Variants in DAB1 observed in about 807,000 individuals in gnomAD.
The protein encoded by DAB1 is disabled homolog 1.
A neutral mutation model predicts 64.6 loss-of-function variants in DAB1; 15 were observed. The ratio of observed to expected loss-of-function variants is 0.23; its 90% CI spans 0.16 to 0.36. The LOEUF is 0.36. DAB1 is among the 10% of genes least tolerant of loss of function. The pLI, the probability that DAB1 is intolerant of heterozygous loss-of-function variation, is 1.00. For synonymous variants in DAB1, 235 were observed against 251.9 expected (o/e 0.93, Z 0.64); for missense variants, 596 against 706.7 (o/e 0.84, Z 1.78).
chr1:57,416,160 AT>A (rs1175225796), intron 1 of DAB1, among the ~76,000 whole-genome samples: 1 of 152,312 alleles, frequency 6.6e-6, no homozygotes, highest in East Asian at 1.9e-4. Flanking sequence ...ACATGTTGAC[AT>A]ATATACCATA....
At position 57,718,102 on chromosome 1, in the gene DAB1, T is replaced by C. The variant is rs1037587854; in HGVS notation, n.552-68437A>G. ...GTGTTCTATTACACAGTAGAGTGAC[T>C]ACAACTAATAACAATGTAGTGTATA... is the stretch of plus-strand genomic sequence containing the variant. On this transcript the variant is annotated intron_variant and non_coding_transcript_variant, in intron 6 of 20. Coordinates refer to the DAB1 transcript ENST00000485760. 4.6e-5 allele frequency among the ~76,000 whole-genome samples: 7 copies of C among 152,230 alleles called. No individual in the cohort carries two copies. In the South Asian group the frequency reaches 6.2e-4, roughly 14 times the overall value.
chr1:58,518,271 A>G (rs368878264), intron 2 of DAB1, among the ~76,000 whole-genome samples: 227 of 1,122 alleles, frequency 0.2, 66 homozygotes, highest in Non-Finnish European at 0.33. Flanking sequence ...GAGAGGAGAG[A>G]GGAGAGGAGA....
At chr1:57,723,275 T>C (rs1041693361) in intron 6 of DAB1, among the ~76,000 whole-genome samples, 3 of 152,352 alleles carry the variant, frequency 2.0e-5, no homozygotes, top group African/African-American at 7.2e-5. Context: ...CTTAGAAATA[T>C]CACTTGGCTC....
At chr1:57,720,068 A>C (rs2101757159) in intron 6 of DAB1, among the ~76,000 whole-genome samples, 1 of 152,322 alleles carries the variant, frequency 6.6e-6, no homozygotes, top group Non-Finnish European at 1.5e-5. Context: ...GATTCTCTAA[A>C]TTAGAGTCAC....
In DAB1 at chr1:57,300,504, G is replaced by A. The variant is rs12562394; in HGVS notation, c.-136-9338C>T. Among the ~76,000 whole-genome samples the A allele has an allele frequency of 8.2e-3, 1,246 of 152,284 alleles. 32 individuals carry two copies. The highest frequency in any genetic ancestry group is 0.08 in the East Asian group (415 of 5,174). On this transcript the variant is annotated intron_variant, in intron 1 of 14. Coordinates refer to ENST00000371236, the MANE Select transcript of DAB1 (RefSeq NM_001365792.1). ...GACAAGTAAATGTTAGTCACCTTAAGAAGAAAAGCTGTGGATGATAGCATG... is the reference window on the plus strand; with the variant it reads ...GACAAGTAAATGTTAGTCACCTTAAAAAGAAAAGCTGTGGATGATAGCATG...
intron 5 of DAB1, among the ~76,000 whole-genome samples, chr1:58,018,157 C>T (rs575093723): frequency 6.6e-6 from 1 of 151,882 alleles, no homozygotes; most frequent in South Asian, 2.1e-4. Context: ...CGTTCCCTCA[C>T]TCTCTCTGCT....
chr1:57,570,730 G>A (rs1459352912), intron 7 of DAB1, among the ~76,000 whole-genome samples: 3 of 152,078 alleles, frequency 2.0e-5, no homozygotes, highest in Non-Finnish European at 4.4e-5. Context: ...ATAGTTCTGT[G>A]AAGAACGATG....
intron 9 of DAB1, among the ~76,000 whole-genome samples, chr1:57,050,570 C>T (rs193086774): frequency 9.4e-4 from 143 of 152,288 alleles, no homozygotes; most frequent in African/African-American, 2.3e-3. Context: ...ACTGTTCCAC[C>T]CTTTCTCCAG....
chr1:57,889,903 G>C (rs868453349), intron 5 of DAB1, among the ~76,000 whole-genome samples: 22 of 131,564 alleles, frequency 1.7e-4, no homozygotes, highest in South Asian at 9.0e-4. Flanking sequence ...CTGGGGCGGG[G>C]GGGGGGGAGG....
chr1:58,099,498 G>A (rs1173252485), intron 5 of DAB1, among the ~76,000 whole-genome samples: 2 of 152,208 alleles, frequency 1.3e-5, no homozygotes, highest in Non-Finnish European at 1.5e-5. Context: ...CAAGGAGTCA[G>A]GAAAGAATAA....
rs150429198 is a variant in DAB1 at position 58,372,839 on chromosome 1, A to G, written n.258-29436T>C. 1.3e-4 allele frequency among the ~76,000 whole-genome samples: 20 copies of G among 151,972 alleles called. No individual in the cohort carries two copies. The East Asian group carries it at 3.7e-3, about 28-fold the overall frequency. Reference sequence around the variant, plus strand: ...GTAAGACATGCCTTGCTTTCCATTCACCTTCCATCATGATTGCAAGTTTCC... The same window carrying G: ...GTAAGACATGCCTTGCTTTCCATTCGCCTTCCATCATGATTGCAAGTTTCC... On this transcript the variant is annotated intron_variant and non_coding_transcript_variant, in intron 3 of 20. Transcript: ENST00000485760.
At chr1:57,092,831 C>T (rs548271220) in intron 4 of DAB1, among the ~76,000 whole-genome samples, 1 of 151,982 alleles carries the variant, frequency 6.6e-6, no homozygotes, top group South Asian at 2.1e-4. Flanking sequence ...GATGTAGACA[C>T]ATTTAAAAGC....
At chr1:58,306,317 G>A (rs1438810245) in intron 4 of DAB1, among the ~76,000 whole-genome samples, 1 of 152,134 alleles carries the variant, frequency 6.6e-6, no homozygotes, top group African/African-American at 2.4e-5. Flanking sequence ...GGTGAAATTT[G>A]GGGGAGGATA....
At chr1:57,385,913 C>A (rs958456534) in intron 1 of DAB1, among the ~76,000 whole-genome samples, 1 of 152,066 alleles carries the variant, frequency 6.6e-6, no homozygotes, top group African/African-American at 2.4e-5. Flanking sequence ...TTAAATGTGT[C>A]CTTAGCTGCC....
At chr1:57,272,307 G>A (rs1671076936) in intron 2 of DAB1, among the ~76,000 whole-genome samples, 1 of 152,210 alleles carries the variant, frequency 6.6e-6, no homozygotes, top group African/African-American at 2.4e-5. Flanking sequence ...TAAAAGGCAG[G>A]AAAGCTGAAG....
intron 5 of DAB1, among the ~76,000 whole-genome samples, chr1:58,033,591 T>A (rs935972096): frequency 6.6e-6 from 1 of 152,244 alleles, no homozygotes. Context: ...GATACAATAC[T>A]ACTAGTGTTC....
At chr1:57,103,123 A>G (rs1654831974) in intron 4 of DAB1, among the ~76,000 whole-genome samples, 2 of 152,212 alleles carry the variant, frequency 1.3e-5, no homozygotes, top group Non-Finnish European at 2.9e-5. Flanking sequence ...GGGTGCTAAC[A>G]GCTGGAAGCA....
intron 6 of DAB1, among the ~76,000 whole-genome samples, chr1:57,725,294 CA>C (rs1448252636): frequency 6.6e-5 from 10 of 152,258 alleles, no homozygotes; most frequent in Admixed American, 6.5e-4. Flanking sequence ...AAAATGAGAA[CA>C]AATTAAAATA....
chr1:58,300,634 G>A (rs1277572448), intron 4 of DAB1, among the ~76,000 whole-genome samples: 1,361 of 64,098 alleles, frequency 0.021, 76 homozygotes, highest in East Asian at 0.15. Flanking sequence ...GAGAGAGAGA[G>A]AGAGAGAGAG....
Sources: gnomAD v4.1 joint callset for allele counts (sites outside exome capture counted in the v4.1 genomes callset) on GRCh38, gnomAD v4.1.1 for gene constraint, MANE v1.5 for transcripts, NCBI Gene and HGNC (gene_info 2026-07-23, HGNC 2026-07-21) for gene names.